Variants in EFR3A observed in about 807,000 individuals in gnomAD.
EFR3A encodes the protein protein EFR3 homolog A.
In EFR3A, 76 loss-of-function variants were observed where a neutral mutation model predicts 104.4. The ratio of observed to expected loss-of-function variants is 0.73; its 90% confidence interval spans 0.60 to 0.88. The LOEUF is 0.88. Ranked by LOEUF, EFR3A falls within the 40% of genes least tolerant of loss-of-function variation. The pLI is 0.00. For missense variants in EFR3A, 985 were observed against 1,012.5 expected (o/e 0.97, Z 0.37); for synonymous variants, 330 against 330.0 (o/e 1.00, Z 0.00).
At chr8:131,977,418 C>G (rs1820381906) in intron 12 of EFR3A, among the ~76,000 whole-genome samples, 1 of 152,134 alleles carries the variant, frequency 6.6e-6, no homozygotes, top group African/African-American at 2.4e-5. Flanking sequence ...AAAAACAGAA[C>G]TCAGACTTGA....
intron 1 of EFR3A, among the ~76,000 whole-genome samples, chr8:131,936,737 G>A (rs761249470): frequency 6.6e-5 from 10 of 152,122 alleles, no homozygotes; most frequent in Non-Finnish European, 1.0e-4. Flanking sequence ...GAAGGAGACA[G>A]ATGAACAGCC....
At chr8:132,008,282 A>G (rs1187731694) in intron 22 of EFR3A, among the ~76,000 whole-genome samples, 1 of 152,236 alleles carries the variant, frequency 6.6e-6, no homozygotes, top group Non-Finnish European at 1.5e-5. Flanking sequence ...TGAATCGCCA[A>G]TAAGCATGTG....
At chr8:131,979,066 G>T in intron 13 of EFR3A, 47 bp downstream of exon 13, 1 of 1,510,602 alleles carries the variant, frequency 6.6e-7, no homozygotes, top group Admixed American at 2.0e-5. Context: ...TTTTTAAATT[G>T]CTAAATTAGT....
chr8:131,953,869 C>G lies in EFR3A; in HGVS notation c.540C>G (p.Val180=), dbSNP rs1367201992. Residue 180 remains valine, a synonymous_variant, in exon 6 of 23, where the codon GTC becomes GTG. Coordinates refer to ENST00000254624, the MANE Select transcript of EFR3A (RefSeq NM_015137.6). ...TTCAAGGTGTGGTTCGCAAAACAGT[C>G]AACGATGAACTTCGGGCCACCATTT... The part of the protein sequence containing the change: ...RGIQGVVRKT[V]NDELRATIWE... 2 of 1,571,008 alleles carry G rather than the reference C, an allele frequency of 1.3e-6. No individual in the cohort carries two copies. Among genetic ancestry groups the G allele is most frequent in the Admixed American group, 1.8e-5 (1 of 54,178 alleles).
At chr8:131,976,746 G>T (rs1820344271) in intron 11 of EFR3A, among the ~76,000 whole-genome samples, 1 of 151,794 alleles carries the variant, frequency 6.6e-6, no homozygotes, top group Admixed American at 6.6e-5. Flanking sequence ...TCCAATTTAA[G>T]GTACCTTAAT....
intron 4 of EFR3A, among the ~76,000 whole-genome samples, chr8:131,949,330 C>T (rs1337970977): frequency 6.6e-6 from 1 of 151,994 alleles, no homozygotes; most frequent in African/African-American, 2.4e-5. Flanking sequence ...ATAACTTGTC[C>T]AAAGACACAG....
Position 132,010,778 on chromosome 8 carries a change from G to C in EFR3A, c.2361-12G>C, listed in dbSNP as rs749582728. ...GTACACCTGCTGACAATGTATTTTTGTTCTTTTATAGTCCTCCTCCCAGTC... is the reference window on the plus strand; with the variant it reads ...GTACACCTGCTGACAATGTATTTTTCTTCTTTTATAGTCCTCCTCCCAGTC... On this transcript the variant is annotated splice_polypyrimidine_tract_variant and intron_variant, in intron 22 of 22. Coordinates refer to ENST00000254624, the MANE Select transcript of EFR3A (RefSeq NM_015137.6). 1 of 1,610,378 alleles carries C rather than the reference G, an allele frequency of 6.2e-7. No homozygotes were observed. Among genetic ancestry groups the C allele is most frequent in the Admixed American group, 1.7e-5 (1 of 59,722 alleles).
intron 1 of EFR3A, among the ~76,000 whole-genome samples, chr8:131,933,263 C>G (rs1221514309): frequency 6.6e-6 from 1 of 152,042 alleles, no homozygotes; most frequent in Non-Finnish European, 1.5e-5. Flanking sequence ...GACTCTTCCC[C>G]CTGAGCACAT....
At position 131,970,656 on chromosome 8, in the gene EFR3A, C is replaced by T; in HGVS notation, c.1159+13C>T. On this transcript the variant is annotated intron_variant, in intron 10 of 22. Transcript: ENST00000254624. ...ATCCAAACAATAGGTGAGTACATTT[C>T]ACTTTTCAAAACTATCATGTAAAAC... 1.9e-6 allele frequency: 3 copies of T among 1,606,782 alleles called. No homozygotes were observed. The highest frequency in any genetic ancestry group is 2.6e-6 in the Non-Finnish European group (3 of 1,176,130).
Position 131,923,753 on chromosome 8 carries a change from C to G in EFR3A, c.11-16746C>G, listed in dbSNP as rs1351858435. On this transcript the variant is annotated intron_variant, in intron 1 of 22. Coordinates refer to ENST00000254624, the MANE Select transcript of EFR3A (RefSeq NM_015137.6). ...CCAGCATTAGCTGAGTCACAATCCC[C>G]TGCTTAACCTTATTTGCCAGTGCGC... Among the ~76,000 whole-genome samples, 3 of 152,072 alleles carry G rather than the reference C, an allele frequency of 2.0e-5. 1 individual carries two copies. Among genetic ancestry groups the G allele is most frequent in the Non-Finnish European group, 4.4e-5 (3 of 67,970 alleles).
intron 3 of EFR3A, 88 bp from the exon 4 acceptor site, chr8:131,946,394 TA>T (rs1818442072): frequency 7.9e-7 from 1 of 1,266,652 alleles, no homozygotes; most frequent in Non-Finnish European, 1.0e-6. Context: ...TGTATTTCAA[TA>T]GACTTATTTC....
intron 2 of EFR3A, among the ~76,000 whole-genome samples, chr8:131,943,621 A>G (rs1372258901): frequency 6.6e-6 from 1 of 151,998 alleles, no homozygotes; most frequent in Non-Finnish European, 1.5e-5. Context: ...TTTGGTCCAG[A>G]TAATTACTTA....
chr8:131,938,345 C>A, intron 1 of EFR3A: 1 of 397,130 alleles, frequency 2.5e-6, no homozygotes, highest in South Asian at 1.3e-4. Context: ...TTTACTTGTT[C>A]TGATATTTAT....
chr8:131,914,295 C>G (rs1180988415), intron 1 of EFR3A, among the ~76,000 whole-genome samples: 1 of 152,200 alleles, frequency 6.6e-6, no homozygotes, highest in Non-Finnish European at 1.5e-5. Context: ...ACTTAAGTGA[C>G]TTGTCATGAC....
intron 7 of EFR3A, among the ~76,000 whole-genome samples, chr8:131,957,098 GTTAA>G (rs968098310): frequency 1.3e-5 from 2 of 151,940 alleles, no homozygotes; most frequent in Non-Finnish European, 2.9e-5. Context: ...TCATGTATTA[GTTAA>G]TTAATTAAAT....
chr8:131,908,995 T>G (rs1258113963), intron 1 of EFR3A, among the ~76,000 whole-genome samples: 3 of 152,208 alleles, frequency 2.0e-5, no homozygotes, highest in Non-Finnish European at 4.4e-5. Flanking sequence ...TGGGAACATT[T>G]CAAATCCTCT....
chr8:131,968,189 A>T, intron 8 of EFR3A, 106 bp from the exon 9 acceptor site: 1 of 997,640 alleles, frequency 1.0e-6, no homozygotes, highest in Non-Finnish European at 1.5e-6. Context: ...CATGACCACC[A>T]GTCACTAATT....
At chr8:131,938,544 A>C (rs1818017045) in intron 1 of EFR3A, among the ~76,000 whole-genome samples, 1 of 151,892 alleles carries the variant, frequency 6.6e-6, no homozygotes, top group South Asian at 2.1e-4. Context: ...GTGGTCAAAA[A>C]GGTATTTTTG....
At chr8:131,985,904 T>C (rs990937923) in intron 16 of EFR3A, among the ~76,000 whole-genome samples, 4 of 152,204 alleles carry the variant, frequency 2.6e-5, no homozygotes, top group African/African-American at 7.2e-5. Context: ...AAAATAGATA[T>C]TCTTGCTTTA....
Sources: allele counts gnomAD v4.1 joint callset (sites outside exome capture counted in the v4.1 genomes callset), GRCh38; gene constraint gnomAD v4.1.1; transcripts MANE v1.5; gene names NCBI Gene and HGNC (gene_info 2026-07-23, HGNC 2026-07-21).